BMAL2: variants seen among roughly 807,000 people sequenced by gnomAD.
BMAL2 encodes basic helix-loop-helix ARNT like 2.
At chr12:27,333,231 GC>G in the BMAL2 span, 9 of 892,556 alleles carry the variant, frequency 1.0e-5, no homozygotes, top group Middle Eastern at 8.2e-4. Context: ...GTCCTCTCGG[GC>G]CGGAGCATCG....
chr12:27,403,574 G>A, the BMAL2 span: 1 of 1,320,074 alleles, frequency 7.6e-7, no homozygotes, highest in South Asian at 1.3e-5. Context: ...ATTTTCAAAA[G>A]TAAAAATATC....
At chr12:27,400,658 C>T in the BMAL2 span, 1 of 1,613,912 alleles carries the variant, frequency 6.2e-7, no homozygotes, top group Non-Finnish European at 8.5e-7. Context: ...GCCTTGTGGC[C>T]ATTGGAAGAT....
chr12:27,423,376 C>G, the BMAL2 span: 1 of 127,416 alleles, frequency 7.8e-6, no homozygotes, highest in Admixed American at 1.0e-4. Context: ...ATCGCCCAGG[C>G]TGGAGTGCAG....
At chr12:27,354,656 G>A in the BMAL2 span, among the ~76,000 whole-genome samples, 1 of 152,146 alleles carries the variant, frequency 6.6e-6, no homozygotes, top group African/African-American at 2.4e-5. Context: ...TTATCTTCAT[G>A]TTTTGTGTAT....
At chr12:27,367,279 G>A in the BMAL2 span, among the ~76,000 whole-genome samples, 11 of 152,138 alleles carry the variant, frequency 7.2e-5, no homozygotes, top group African/African-American at 2.7e-4. Flanking sequence ...ATGCAGCGTG[G>A]ATATGCTGGA....
the BMAL2 span, among the ~76,000 whole-genome samples, chr12:27,368,821 A>T: frequency 6.6e-6 from 1 of 152,202 alleles, no homozygotes; most frequent in African/African-American, 2.4e-5. Context: ...GGTCAGTTTA[A>T]TCATATAAAA....
chr12:27,382,023 G>A, the BMAL2 span, among the ~76,000 whole-genome samples: 1 of 152,188 alleles, frequency 6.6e-6, no homozygotes, highest in South Asian at 2.1e-4. Context: ...AAGTTAAGGT[G>A]GCTAAGAGGA....
At chr12:27,336,780 GTC>G in the BMAL2 span, among the ~76,000 whole-genome samples, 2 of 151,890 alleles carry the variant, frequency 1.3e-5, no homozygotes, top group Non-Finnish European at 2.9e-5. Context: ...GTGAAACCCT[GTC>G]TCTACTAAAA....
chr12:27,387,204 AT>A, the BMAL2 span: 2 of 1,505,416 alleles, frequency 1.3e-6, no homozygotes, highest in South Asian at 2.3e-5. Context: ...ATTTTAAAAT[AT>A]TCACTTTTTT....
the BMAL2 span, among the ~76,000 whole-genome samples, chr12:27,409,430 A>G: frequency 6.6e-6 from 1 of 152,236 alleles, no homozygotes; most frequent in Non-Finnish European, 1.5e-5. Flanking sequence ...GAGCCCTCAG[A>G]AATAATGCCA....
the BMAL2 span, among the ~76,000 whole-genome samples, chr12:27,353,737 CT>C: frequency 6.6e-6 from 1 of 151,844 alleles, no homozygotes; most frequent in African/African-American, 2.4e-5. Flanking sequence ...CAACAAACAA[CT>C]GTATTAAAAA....
At chr12:27,399,521 T>C in the BMAL2 span, among the ~76,000 whole-genome samples, 2 of 152,238 alleles carry the variant, frequency 1.3e-5, no homozygotes, top group East Asian at 1.9e-4. Context: ...AAATGAGTTA[T>C]ACGTTTAAAG....
chr12:27,416,429 A>G, the BMAL2 span, among the ~76,000 whole-genome samples: 3 of 152,220 alleles, frequency 2.0e-5, no homozygotes, highest in Non-Finnish European at 2.9e-5. Flanking sequence ...ACAAGCCACA[A>G]GATAAATACC....
the BMAL2 span, among the ~76,000 whole-genome samples, chr12:27,392,542 A>G: frequency 6.6e-6 from 1 of 152,090 alleles, no homozygotes; most frequent in East Asian, 1.9e-4. Flanking sequence ...GGGTGATCCA[A>G]GGAGTCAGAA....
chr12:27,417,663 G>T, the BMAL2 span, among the ~76,000 whole-genome samples: 1 of 152,162 alleles, frequency 6.6e-6, no homozygotes, highest in South Asian at 2.1e-4. Context: ...GGCAGTTGTA[G>T]CATTGGTGGC....
chr12:27,403,693 A>C, the BMAL2 span: 1 of 461,996 alleles, frequency 2.2e-6, no homozygotes, highest in South Asian at 4.8e-5. Context: ...AAAAGATATA[A>C]ATTTTATAAG....
chr12:27,372,508 T>G, the BMAL2 span, among the ~76,000 whole-genome samples: 2 of 152,222 alleles, frequency 1.3e-5, no homozygotes, highest in African/African-American at 4.8e-5. Flanking sequence ...TTCCATTCTT[T>G]CAGATACATG....
At chr12:27,412,071 A>T in the BMAL2 span, among the ~76,000 whole-genome samples, 1 of 152,176 alleles carries the variant, frequency 6.6e-6, no homozygotes, top group Non-Finnish European at 1.5e-5. Context: ...TTGCATGTGG[A>T]TAACCAGTTT....
the BMAL2 span, among the ~76,000 whole-genome samples, chr12:27,354,030 A>G: frequency 6.6e-6 from 1 of 152,174 alleles, no homozygotes; most frequent in African/African-American, 2.4e-5. Flanking sequence ...AGAACTTAAA[A>G]CAGAACTACC....
Sources: gnomAD v4.1 joint callset for allele counts (sites outside exome capture counted in the v4.1 genomes callset) on GRCh38, gnomAD v4.1.1 for gene constraint, MANE v1.5 for transcripts, NCBI Gene and HGNC (gene_info 2026-07-23, HGNC 2026-07-21) for gene names.